The following SLC12A7 variants were observed in gnomAD, a reference collection of about 807,000 sequenced individuals.
The protein encoded by SLC12A7 is K-Cl cotransporter 4.
SLC12A7 carries 100 observed loss-of-function variants against 120.6 expected under a neutral mutation model. The ratio of observed to expected loss-of-function variants is 0.83; its 90% CI spans 0.71 to 0.98. The LOEUF is 0.98. Ranked by LOEUF, SLC12A7 falls within the 50% of genes least tolerant of loss-of-function variation. The pLI is 0.00. For missense variants in SLC12A7, 1,373 were observed against 1,548.1 expected (o/e 0.89, Z 1.90); for synonymous variants, 760 against 678.0 (o/e 1.12, Z -1.88).
At chr5:1,139,077 G>GC in the SLC12A7 span, among the ~76,000 whole-genome samples, 1 of 148,478 alleles carries the variant, frequency 6.7e-6, no homozygotes, top group South Asian at 2.1e-4. Context: ...TGGGGGGGGG[G>GC]CTCTGGGCGG....
chr5:1,109,123 T>C (rs1337673150), intron 1 of SLC12A7, among the ~76,000 whole-genome samples: 1 of 152,098 alleles, frequency 6.6e-6, no homozygotes, highest in Non-Finnish European at 1.5e-5. Context: ...TCCTAGACAG[T>C]GGGTGGCCAG....
intron 10 of SLC12A7, 61 bp downstream of exon 10, chr5:1,079,337 G>T: frequency 1.5e-6 from 2 of 1,318,852 alleles, no homozygotes; most frequent in Non-Finnish European, 1.1e-6. Flanking sequence ...AGCCGGGGAG[G>T]GCATGGGGGC....
rs750002523 is a variant in SLC12A7 at position 1,089,039 on chromosome 5, G to T, written c.432C>A (p.Ile144=). The change falls in exon 4 of 24, where the codon ATC becomes ATA. Residue 144 remains isoleucine, a synonymous_variant. Transcript: ENST00000264930. ...GVILFLRLTW[I]VGVAGVLESF... ...ACTCCAGGACACCAGCCACCCCCAC[G>T]ATCCACGTCAGGCGCAGGAAGAGGA... The T allele has an allele frequency of 3.7e-6, 6 of 1,613,082 alleles. No homozygotes were observed. Among genetic ancestry groups the T allele is most frequent in the Non-Finnish European group, 5.1e-6 (6 of 1,179,988 alleles).
chr5:1,126,368 C>T, the SLC12A7 span, among the ~76,000 whole-genome samples: 2 of 152,314 alleles, frequency 1.3e-5, no homozygotes, highest in African/African-American at 2.4e-5. Context: ...GGATTACAGG[C>T]GTGAGCCACT....
At chr5:1,127,262 CTTGGCCTCCCAAAGTGCTGGGATTACA>C in the SLC12A7 span, among the ~76,000 whole-genome samples, 2 of 152,264 alleles carry the variant, frequency 1.3e-5, no homozygotes, top group Non-Finnish European at 2.9e-5. Flanking sequence ...ATCCACCTGC[CTTGGCCTCCCAAAGTGCTGGGATTACA>C]GGCGTGAGCC....
At chr5:1,130,017 A>T in the SLC12A7 span, among the ~76,000 whole-genome samples, 3 of 152,286 alleles carry the variant, frequency 2.0e-5, no homozygotes, top group Admixed American at 6.5e-5. Context: ...TCTTCCCCTG[A>T]AAGAGGAAGT....
chr5:1,136,311 CAT>C, the SLC12A7 span, among the ~76,000 whole-genome samples: 1 of 152,192 alleles, frequency 6.6e-6, no homozygotes. Flanking sequence ...GACACACAGA[CAT>C]GTGCACACAC....
intron 8 of SLC12A7, among the ~76,000 whole-genome samples, chr5:1,082,789 C>A (rs1415231654): frequency 6.9e-6 from 1 of 144,110 alleles, no homozygotes. Context: ...AAAGCCTGGG[C>A]TTCCCGTCTC....
In SLC12A7 at chr5:1,078,717, C is replaced by T. The variant is rs151053159; in HGVS notation, c.1438G>A (p.Val480Met). ...IVLFGACIEG[V>M]VLRDKFGEAL... is the part of the protein sequence containing the mutation. ...GAAACGTACTTATCTCGTAAGACCA[C>T]GCCTTCAATGCAGGCCCCAAACAGC... Residue 480 changes from valine to methionine, a missense_variant, in exon 11 of 24, where the codon GTG (valine) becomes ATG (methionine). Physicochemically the swap from Val to Met is conservative, Grantham distance 21. Transcript: ENST00000264930. 2.9e-3 allele frequency: 4,609 copies of T among 1,612,234 alleles called. 12 individuals are homozygous for T. The highest frequency in any genetic ancestry group is 3.6e-3 in the Non-Finnish European group (4,198 of 1,179,690).
In SLC12A7 at chr5:1,076,581, C is replaced by T. The variant is rs2150834370; in HGVS notation, c.1748+113G>A. ...CCTTCCCGGCAGGATCCTGACTGCCCACAGCTGGCCATGCCTGTCTACTGC... is the reference window on the plus strand; with the variant it reads ...CCTTCCCGGCAGGATCCTGACTGCCTACAGCTGGCCATGCCTGTCTACTGC... On this transcript the variant is annotated intron_variant, in intron 13 of 23. Coordinates refer to ENST00000264930, the MANE Select transcript of SLC12A7 (RefSeq NM_006598.3). 1.0e-5 allele frequency: 8 copies of T among 781,098 alleles called. No individual in the cohort carries two copies. In the South Asian group the frequency reaches 1.1e-4, roughly 11 times the overall value. The allele number at this position is 781,098 out of a possible 1,614,324, so 48.4% of individuals were successfully genotyped here.
At chr5:1,053,276 C>G in intron 23 of SLC12A7, 73 bp downstream of exon 23, 1 of 1,544,726 alleles carries the variant, frequency 6.5e-7, no homozygotes, top group Non-Finnish European at 8.7e-7. Context: ...CCAGCACCCA[C>G]AAACCCAGGT....
At chr5:1,091,731 G>A (rs1467367649) in intron 3 of SLC12A7, among the ~76,000 whole-genome samples, 1 of 151,948 alleles carries the variant, frequency 6.6e-6, no homozygotes, top group Admixed American at 6.6e-5. Context: ...CGGCGTCCAC[G>A]TGCGGCACGG....
rs143380512 is a variant in SLC12A7 at position 1,065,434 on chromosome 5, G to A, written c.2286C>T (p.Cys762=). Reference sequence around the variant, plus strand: ...GCAGGCTGGACGAGACCACCAGCTGGCAGAAGCCCTTGGTCTTCTCTGTGC... The same window carrying A: ...GCAGGCTGGACGAGACCACCAGCTGACAGAAGCCCTTGGTCTTCTCTGTGC... ...LMSTEKTKGF[C]QLVVSSSLRD... is the part of the protein sequence containing the mutation. Residue 762 remains cysteine (C), a synonymous_variant, in exon 18 of 24, where the codon TGC becomes TGT. Transcript: ENST00000264930. 6.7e-5 allele frequency: 108 copies of A among 1,611,220 alleles called. No homozygotes were observed. The African/African-American group carries it at 1.3e-3, about 19-fold the overall frequency.
In SLC12A7 at chr5:1,065,455, T is replaced by C. The variant is rs757053239; in HGVS notation, c.2265A>G (p.Thr755=). ...AEENIRSLMS[T]EKTKGFCQLV... is the part of the protein sequence containing the mutation. ...GCTGGCAGAAGCCCTTGGTCTTCTC[T>C]GTGCTCATTAGGGACCGTATGTTCT... Residue 755 remains threonine (T), a synonymous_variant, in exon 18 of 24, where the codon ACA becomes ACG. Coordinates refer to ENST00000264930, the MANE Select transcript of SLC12A7 (RefSeq NM_006598.3). The C allele has an allele frequency of 8.1e-6, 13 of 1,605,814 alleles. No homozygotes were observed. In the East Asian group the frequency reaches 2.9e-4, roughly 36 times the overall value.
intron 23 of SLC12A7, among the ~76,000 whole-genome samples, chr5:1,052,744 G>C (rs1156449278): frequency 6.6e-6 from 1 of 152,182 alleles, no homozygotes; most frequent in Non-Finnish European, 1.5e-5. Context: ...GGGAACCCCA[G>C]CCACGGGACT....
Position 1,069,719 on chromosome 5 carries a change from G to GGTGAC in SLC12A7, c.2241+3909_2241+3913dup, listed in dbSNP as rs532004609. ...AGCAAGAAATACAGAAGTAACTCCAGGTGACGTGACGTGACGTGACGTGAT... is the reference window on the plus strand; with the variant it reads ...AGCAAGAAATACAGAAGTAACTCCAGGTGACGTGACGTGACGTGACGTGACGTGAT... On this transcript the variant is annotated intron_variant, in intron 17 of 23. Coordinates refer to ENST00000264930, the MANE Select transcript of SLC12A7 (RefSeq NM_006598.3). Among the ~76,000 whole-genome samples the GGTGAC allele has an allele frequency of 3.7e-3, 570 of 152,236 alleles. 3 individuals carry two copies. Among genetic ancestry groups the GGTGAC allele is most frequent in the Admixed American group, 7.0e-3 (107 of 15,306 alleles).
rs753612398 is a variant in SLC12A7 at position 1,081,722 on chromosome 5, C to T, written c.1152G>A (p.Ala384=). The change falls in exon 9 of 24, where the codon GCG becomes GCA. Residue 384 remains alanine, a synonymous_variant. Transcript: ENST00000264930. ...TCTTCTCCACAAACGCCCCCGCGTG[C>T]GCGTACGTACTCCACAGGTTCTCTG... The part of the protein sequence containing the change: ...VFLENLWSTY[A]HAGAFVEKKG... 2.7e-5 allele frequency: 43 copies of T among 1,612,700 alleles called. No homozygotes were observed. The highest frequency in any genetic ancestry group is 1.6e-4 in the Middle Eastern group (1 of 6,080).
intron 9 of SLC12A7, 48 bp from the exon 10 acceptor site, chr5:1,079,544 C>A: frequency 6.9e-7 from 1 of 1,445,022 alleles, no homozygotes; most frequent in South Asian, 1.1e-5. Context: ...GAGTCAGTGC[C>A]ATGTGATGGC....
intron 1 of SLC12A7, among the ~76,000 whole-genome samples, chr5:1,111,495 G>A (rs866756075): frequency 7.9e-5 from 12 of 152,114 alleles, no homozygotes; most frequent in African/African-American, 2.7e-4. Context: ...AGGACGCCCC[G>A]GCTCCCGAAC....
Sources: allele counts gnomAD v4.1 joint callset (sites outside exome capture counted in the v4.1 genomes callset), GRCh38; gene constraint gnomAD v4.1.1; transcripts MANE v1.5; gene names NCBI Gene and HGNC (gene_info 2026-07-23, HGNC 2026-07-21).